The following ARHGEF3 variants were observed in gnomAD, a reference collection of about 807,000 sequenced individuals.
The protein encoded by ARHGEF3 is 59.8 kDA protein.
A neutral mutation model predicts 63.2 loss-of-function variants in ARHGEF3; 28 were observed. The observed-to-expected ratio is 0.44, with a 90% CI of 0.33 to 0.61. The LOEUF (loss-of-function observed/expected upper bound fraction) is 0.61. ARHGEF3 is among the 20% of genes least tolerant of loss of function. The probability of loss-of-function intolerance (pLI) is 0.03; values close to 1 mark genes in which losing one functional copy is unlikely to be tolerated. For synonymous variants in ARHGEF3, 266 were observed against 254.2 expected, an observed-to-expected ratio of 1.05 and a Z score of -0.44; for missense variants, 533 against 659.3, an observed-to-expected ratio of 0.81 and a Z score of 2.10.
In ARHGEF3 at chr3:56,757,393, G is replaced by C. The variant is rs1013409454; in HGVS notation, c.205-2242C>G. On this transcript the variant is annotated intron_variant, in intron 2 of 9. Coordinates refer to ENST00000296315, the MANE Select transcript of ARHGEF3 (RefSeq NM_019555.3). ...GGAGGCTGAGGCAGGAGAATCGCTT[G>C]AACCCAGGAGGCGGAGATTGCAGTG... 2.6e-5 allele frequency among the ~76,000 whole-genome samples: 4 copies of C among 152,150 alleles called. No homozygotes were observed. The South Asian group carries it at 8.3e-4, about 32-fold the overall frequency.
intron 1 of ARHGEF3, among the ~76,000 whole-genome samples, chr3:57,038,344 C>T (rs571733002): frequency 3.3e-5 from 5 of 152,322 alleles, no homozygotes; most frequent in Non-Finnish European, 7.3e-5. Flanking sequence ...TGAGCTTAAC[C>T]TCATCTGCCC....
At chr3:56,965,612 T>C (rs931329017) in intron 2 of ARHGEF3, among the ~76,000 whole-genome samples, 1 of 151,566 alleles carries the variant, frequency 6.6e-6, no homozygotes, top group Non-Finnish European at 1.5e-5. Context: ...TTAATGTTTA[T>C]TGATAAGGAA....
At chr3:56,796,820 T>G (rs1475245225) in intron 1 of ARHGEF3, among the ~76,000 whole-genome samples, 1 of 152,196 alleles carries the variant, frequency 6.6e-6, no homozygotes, top group Non-Finnish European at 1.5e-5. Flanking sequence ...ACTACCCTGT[T>G]CTGAGCCTGT....
At chr3:56,799,405 T>C (rs182294403) in intron 1 of ARHGEF3, among the ~76,000 whole-genome samples, 1 of 152,320 alleles carries the variant, frequency 6.6e-6, no homozygotes, top group East Asian at 1.9e-4. Flanking sequence ...CAACGGCCTT[T>C]GAAGGTCAAC....
chr3:56,838,485 T>A (rs945024362), intron 4 of ARHGEF3, among the ~76,000 whole-genome samples: 2 of 152,170 alleles, frequency 1.3e-5, no homozygotes, highest in African/African-American at 2.4e-5. Flanking sequence ...TTTTAAAAAG[T>A]CATAAAATAC....
At chr3:57,041,490 G>T (rs887100494) in intron 1 of ARHGEF3, among the ~76,000 whole-genome samples, 1 of 152,190 alleles carries the variant, frequency 6.6e-6, no homozygotes, top group African/African-American at 2.4e-5. Context: ...CCCTAATGGG[G>T]TGTTAGGCAT....
chr3:56,748,205 T>C (rs1578403545), intron 6 of ARHGEF3, among the ~76,000 whole-genome samples: 1 of 152,164 alleles, frequency 6.6e-6, no homozygotes, highest in Non-Finnish European at 1.5e-5. Context: ...AGCTAATATT[T>C]TTTTTGTAGA....
intron 1 of ARHGEF3, among the ~76,000 whole-genome samples, chr3:57,036,015 G>T (rs1180442833): frequency 1.3e-5 from 2 of 152,138 alleles, no homozygotes; most frequent in East Asian, 3.9e-4. Flanking sequence ...CCTCACTGGG[G>T]CCCTTCTGCA....
At chr3:57,004,406 C>G (rs1452308456) in intron 2 of ARHGEF3, among the ~76,000 whole-genome samples, 3 of 152,246 alleles carry the variant, frequency 2.0e-5, no homozygotes, top group African/African-American at 7.2e-5. Flanking sequence ...AGTGGCTCGT[C>G]TGCATTTACC....
At chr3:56,740,848 C>T (rs918467265) in intron 7 of ARHGEF3, among the ~76,000 whole-genome samples, 1 of 152,168 alleles carries the variant, frequency 6.6e-6, no homozygotes, top group Non-Finnish European at 1.5e-5. Flanking sequence ...CTGCAAATAT[C>T]CAGGAAACCA....
Position 56,844,426 on chromosome 3 carries a change from T to C in ARHGEF3, c.192+37866A>G, listed in dbSNP as rs188680606. On this transcript the variant is annotated intron_variant, in intron 4 of 12. Coordinates refer to the ARHGEF3 transcript ENST00000338458. ...AAACTAAGCATATTGTCTGGAATCT[T>C]GTCTGCCTCTGTTAATTTTCCTCAA... 3.8e-3 allele frequency among the ~76,000 whole-genome samples: 572 copies of C among 152,310 alleles called. 5 individuals carry two copies. The highest frequency in any genetic ancestry group is 0.013 in the African/African-American group (537 of 41,548).
chr3:56,757,160 A>T (rs913968384), intron 2 of ARHGEF3, among the ~76,000 whole-genome samples: 1 of 152,226 alleles, frequency 6.6e-6, no homozygotes, highest in African/African-American at 2.4e-5. Flanking sequence ...GAACTATTCA[A>T]CATAAGGGCA....
At chr3:56,865,451 T>C (rs1053705799) in intron 4 of ARHGEF3, among the ~76,000 whole-genome samples, 21 of 152,194 alleles carry the variant, frequency 1.4e-4, no homozygotes, top group Non-Finnish European at 2.8e-4. Context: ...AAATATCAAA[T>C]GTAAAGGAAG....
intron 2 of ARHGEF3, among the ~76,000 whole-genome samples, chr3:56,981,357 G>C (rs1176508934): frequency 2.0e-5 from 3 of 152,134 alleles, no homozygotes; most frequent in Non-Finnish European, 4.4e-5. Context: ...CCATGACAGT[G>C]AAGCTCACTT....
At chr3:56,967,406 A>G (rs1578976815) in intron 2 of ARHGEF3, among the ~76,000 whole-genome samples, 2 of 78,672 alleles carry the variant, frequency 2.5e-5, no homozygotes, top group African/African-American at 9.7e-5. Flanking sequence ...TATATAATAT[A>G]TTATATATTA....
chr3:56,958,665 T>C (rs1263577278), intron 3 of ARHGEF3, among the ~76,000 whole-genome samples: 2 of 152,082 alleles, frequency 1.3e-5, no homozygotes, highest in Non-Finnish European at 2.9e-5. Context: ...CCACAACCAC[T>C]GATTCAAGTG....
chr3:56,989,118 T>C (rs1701649457), intron 2 of ARHGEF3, among the ~76,000 whole-genome samples: 1 of 152,212 alleles, frequency 6.6e-6, no homozygotes, highest in Admixed American at 6.5e-5. Flanking sequence ...GTTGATTACT[T>C]CGTCCATGCC....
intron 4 of ARHGEF3, among the ~76,000 whole-genome samples, chr3:56,816,048 T>A (rs1231636915): frequency 6.6e-6 from 1 of 152,168 alleles, no homozygotes; most frequent in Non-Finnish European, 1.5e-5. Flanking sequence ...ATCCTGTCTG[T>A]ACACAAAATG....
At chr3:56,985,218 A>G (rs1701487443) in intron 2 of ARHGEF3, among the ~76,000 whole-genome samples, 1 of 152,330 alleles carries the variant, frequency 6.6e-6, no homozygotes, top group East Asian at 1.9e-4. Context: ...CCTCCCAAGT[A>G]GCTGGGACTA....
Sources: allele counts gnomAD v4.1 joint callset (sites outside exome capture counted in the v4.1 genomes callset), GRCh38; gene constraint gnomAD v4.1.1; transcripts MANE v1.5; gene names NCBI Gene and HGNC (gene_info 2026-07-23, HGNC 2026-07-21).